The following MOB1B variants were observed in gnomAD, a reference collection of about 807,000 sequenced individuals.
The protein encoded by MOB1B is MOB kinase activator 1B.
Under a neutral mutation model 24.4 loss-of-function variants are expected in MOB1B, and 19 were observed. The observed-to-expected ratio is 0.78, with a 90% CI of 0.54 to 1.14. MOB1B has a LOEUF of 1.14. Ranked by LOEUF, MOB1B falls within the 50% of genes most tolerant of loss-of-function variation. MOB1B has a pLI of 0.00. For missense variants in MOB1B, 243 were observed against 259.6 expected (o/e 0.94, Z 0.44); for synonymous variants, 76 against 82.1 (o/e 0.93, Z 0.40).
At chr4:70,921,523 C>T (rs958877148) in intron 1 of MOB1B, among the ~76,000 whole-genome samples, 10 of 101,984 alleles carry the variant, frequency 9.8e-5, no homozygotes, top group Non-Finnish European at 2.1e-4. Flanking sequence ...TTCCCTTTTC[C>T]TGAGATGGAG....
At chr4:70,974,484 G>A (rs895576163) in intron 3 of MOB1B, among the ~76,000 whole-genome samples, 1 of 151,998 alleles carries the variant, frequency 6.6e-6, no homozygotes, top group African/African-American at 2.4e-5. Context: ...TTGAGAGTAG[G>A]GAAAGTGTCT....
At chr4:70,908,539 C>T (rs1735846790) in intron 1 of MOB1B, among the ~76,000 whole-genome samples, 1 of 151,274 alleles carries the variant, frequency 6.6e-6, no homozygotes, top group Admixed American at 6.6e-5. Flanking sequence ...GTTTGGGAGG[C>T]TGAGGCGGGT....
At chr4:70,928,412 C>T (rs554436633) in intron 1 of MOB1B, among the ~76,000 whole-genome samples, 1 of 151,576 alleles carries the variant, frequency 6.6e-6, no homozygotes, top group Admixed American at 6.6e-5. Context: ...TCTCCTGCTT[C>T]AGCCTCTTGA....
chr4:70,906,014 C>T (rs1170163174), intron 1 of MOB1B, among the ~76,000 whole-genome samples: 1 of 151,840 alleles, frequency 6.6e-6, no homozygotes, highest in Non-Finnish European at 1.5e-5. Context: ...TACTTCAAGG[C>T]TGTGGTGAGA....
chr4:70,915,190 A>G (rs1303018592), intron 1 of MOB1B, among the ~76,000 whole-genome samples: 1 of 152,188 alleles, frequency 6.6e-6, no homozygotes, highest in East Asian at 1.9e-4. Context: ...TGTTAGTGCT[A>G]TTTTGATATT....
intron 2 of MOB1B, among the ~76,000 whole-genome samples, chr4:70,964,368 C>G (rs1318502667): frequency 6.6e-6 from 1 of 151,906 alleles, no homozygotes; most frequent in African/African-American, 2.4e-5. Flanking sequence ...TGGAATCTGG[C>G]TAGAAAGCAG....
chr4:70,907,238 C>T (rs1044018685), intron 1 of MOB1B, among the ~76,000 whole-genome samples: 7 of 152,138 alleles, frequency 4.6e-5, no homozygotes, highest in African/African-American at 7.2e-5. Flanking sequence ...AATTATTGGC[C>T]TGGGGACAGT....
chr4:70,974,637 A>G (rs890879118), intron 3 of MOB1B, among the ~76,000 whole-genome samples: 11 of 152,190 alleles, frequency 7.2e-5, no homozygotes, highest in African/African-American at 2.7e-4. Flanking sequence ...TTCTTTAAAG[A>G]CATGTCTAGA....
At position 70,986,701 on chromosome 4, in the gene MOB1B, C is replaced by A. The variant is rs1739392543; in HGVS notation, c.*4644C>A. On this transcript the variant is annotated 3_prime_UTR_variant, in exon 6 of 6. Transcript: ENST00000309395. The stretch of plus-strand genomic sequence containing the variant: ...TAATATTAAAATTTACCGTGGAAAT[C>A]ACTGTTGTTCAGCTATCACCTTAAT... 1 of 152,060 alleles carries A rather than the reference C, an allele frequency of 6.6e-6. No homozygotes were observed. The highest frequency in any genetic ancestry group is 6.5e-5 in the Admixed American group (1 of 15,268). The allele number at this position is 152,060 out of a possible 1,614,324, so 9.4% of individuals were successfully genotyped here.
intron 1 of MOB1B, among the ~76,000 whole-genome samples, chr4:70,957,287 A>C (rs1192660653): frequency 2.0e-5 from 3 of 150,914 alleles, no homozygotes; most frequent in Non-Finnish European, 4.4e-5. Context: ...AACAGAAAAA[A>C]AAAAGTTCCC....
chr4:70,928,454 C>T (rs1304686882), intron 1 of MOB1B, among the ~76,000 whole-genome samples: 1 of 151,966 alleles, frequency 6.6e-6, no homozygotes, highest in Admixed American at 6.6e-5. Flanking sequence ...TGCCACCATG[C>T]CCGGCTAATT....
intron 3 of MOB1B, among the ~76,000 whole-genome samples, chr4:70,972,008 C>CT (rs1253252504): frequency 0.018 from 2,533 of 143,628 alleles, 81 homozygotes; most frequent in African/African-American, 0.059. Flanking sequence ...TCCTTTCTCC[C>CT]TTTTTTTTTT....
At chr4:70,906,094 G>T (rs1468978855) in intron 1 of MOB1B, among the ~76,000 whole-genome samples, 1 of 150,336 alleles carries the variant, frequency 6.7e-6, no homozygotes, top group South Asian at 2.1e-4. Flanking sequence ...AAAAAGGCCG[G>T]TCGCGGGGCA....
chr4:70,955,030 C>T (rs1737982200), intron 1 of MOB1B, among the ~76,000 whole-genome samples: 1 of 152,136 alleles, frequency 6.6e-6, no homozygotes, highest in East Asian at 1.9e-4. Context: ...AAGTGGTCTG[C>T]CCGCCTCGGC....
At chr4:70,975,611 A>G in intron 4 of MOB1B, 1 of 962,484 alleles carries the variant, frequency 1.0e-6, no homozygotes, top group African/African-American at 1.7e-5. Flanking sequence ...AGATTAAAGT[A>G]TCACTGAGTT....
At chr4:70,920,227 C>CTCCTCT (rs979491070) in intron 1 of MOB1B, among the ~76,000 whole-genome samples, 1 of 151,842 alleles carries the variant, frequency 6.6e-6, no homozygotes, top group Non-Finnish European at 1.5e-5. Flanking sequence ...CTTCCTCCTC[C>CTCCTCT]TCCTCTTCCT....
chr4:70,922,709 A>G, intron 1 of MOB1B, among the ~76,000 whole-genome samples: 1 of 152,232 alleles, frequency 6.6e-6, no homozygotes, highest in Non-Finnish European at 1.5e-5. Flanking sequence ...ATAATTTTGA[A>G]GCTAATTTGT....
chr4:70,940,957 G>A (rs766041271), intron 1 of MOB1B, among the ~76,000 whole-genome samples: 10 of 151,824 alleles, frequency 6.6e-5, no homozygotes, highest in Non-Finnish European at 1.3e-4. Context: ...ACAGGCGTGA[G>A]CCACCACGCC....
chr4:70,979,161 C>T lies in MOB1B; in HGVS notation c.443C>T (p.Ala148Val). 1 of 1,613,610 alleles carries T rather than the reference C, an allele frequency of 6.2e-7. No individual in the cohort carries two copies. The highest frequency in any genetic ancestry group is 8.5e-7 in the Non-Finnish European group (1 of 1,179,720). Residue 148 changes from alanine (A) to valine (V), a missense_variant, in exon 5 of 6, where the codon GCA becomes GTA. Transcript: ENST00000309395. ...VPFPKNFMSV[A>V]KTILKRLFRV... ...TTCCCAAAGAATTTCATGTCTGTGG[C>T]AAAAACTATACTCAAACGCCTCTTT...
Sources: allele counts gnomAD v4.1 joint callset (sites outside exome capture counted in the v4.1 genomes callset), GRCh38; gene constraint gnomAD v4.1.1; transcripts MANE v1.5; gene names NCBI Gene and HGNC (gene_info 2026-07-23, HGNC 2026-07-21).